Variants in RALGAPB observed in about 807,000 individuals in gnomAD.
RALGAPB encodes the protein Ral GTPase activating protein non-catalytic subunit beta.
Under a neutral mutation model 161.1 loss-of-function variants are expected in RALGAPB, and 25 were observed. The ratio of observed to expected loss-of-function variants is 0.16; its 90% confidence interval spans 0.11 to 0.22. The LOEUF is 0.22. Among genes scored for constraint, RALGAPB ranks in the 10% least tolerant of loss-of-function variants. The pLI is 1.00. For missense variants in RALGAPB, 1,391 were observed against 1,815.2 expected (o/e 0.77, Z 4.25); for synonymous variants, 629 against 626.1 (o/e 1.00, Z -0.07).
chr20:38,571,940 C>A (rs1011584303), intron 28 of RALGAPB, among the ~76,000 whole-genome samples: 1 of 151,980 alleles, frequency 6.6e-6, no homozygotes, highest in Non-Finnish European at 1.5e-5. Context: ...TTTTGATTTG[C>A]ATTTCCCTGA....
chr20:38,519,361 G>T (rs532875647), intron 9 of RALGAPB, among the ~76,000 whole-genome samples: 4 of 151,978 alleles, frequency 2.6e-5, no homozygotes, highest in Non-Finnish European at 5.9e-5. Flanking sequence ...TTATTAATTT[G>T]CATTTTCTAG....
intron 5 of RALGAPB, among the ~76,000 whole-genome samples, chr20:38,506,432 T>G (rs2085765028): frequency 6.6e-6 from 1 of 152,164 alleles, no homozygotes. Context: ...TAGCTGGAAC[T>G]GCAGGCGTGC....
At chr20:38,494,906 CCTTTA>C in intron 3 of RALGAPB, among the ~76,000 whole-genome samples, 1 of 152,212 alleles carries the variant, frequency 6.6e-6, no homozygotes. Flanking sequence ...TAGGCTTGTG[CCTTTA>C]CTTTTCTCTT....
rs771958071 is a variant in RALGAPB, at chr20:38,574,979, T to C, written c.*12T>C. The C allele has an allele frequency of 4.4e-6, 7 of 1,591,244 alleles. No individual in the cohort carries two copies. ...ACTGCAGTTCTTAGACCACTGAATT[T>C]CTAAGACTGTTGAACTCCAGTTTGG... On this transcript the variant is annotated 3_prime_UTR_variant, in exon 30 of 30. Coordinates refer to ENST00000262879, the MANE Select transcript of RALGAPB (RefSeq NM_020336.4).
chr20:38,480,321 CTT>C (rs11476061), intron 1 of RALGAPB, among the ~76,000 whole-genome samples: 283 of 138,806 alleles, frequency 2.0e-3, no homozygotes, highest in Middle Eastern at 3.6e-3. Flanking sequence ...GTTTCTAGTG[CTT>C]TTTTTTTTTT....
rs533726855 is a variant in RALGAPB, at chr20:38,497,230, C to T, written c.390-123C>T. On this transcript the variant is annotated intron_variant, in intron 3 of 29. Transcript: ENST00000262879. ...AACTGAAGACGGTATGCCTAGCCCT[C>T]TCTGCTGATAATATTAGGGAGCTTC... 170 of 857,256 alleles carry T rather than the reference C, an allele frequency of 2.0e-4. No individual in the cohort carries two copies. In the African/African-American group the frequency reaches 2.7e-3, roughly 14 times the overall value. 53.1% of individuals were successfully genotyped at this position (857,256 alleles called of 1,614,324 possible). A position where few individuals can be genotyped will look rare whatever the true frequency, so the allele number is the denominator to read the frequency against.
intron 21 of RALGAPB, 95 bp downstream of exon 21, chr20:38,551,318 T>C (rs2087366875): frequency 8.5e-6 from 12 of 1,406,978 alleles, no homozygotes; most frequent in Non-Finnish European, 1.2e-5. Context: ...TTGTTGGAGA[T>C]GATTTTTAAG....
At chr20:38,483,976 G>C (rs748091880) in intron 1 of RALGAPB, among the ~76,000 whole-genome samples, 11 of 152,088 alleles carry the variant, frequency 7.2e-5, no homozygotes, top group Non-Finnish European at 1.3e-4. Context: ...GGATCACAAG[G>C]TCAGGAGTTC....
Position 38,569,939 on chromosome 20 carries a change from C to T in RALGAPB, c.4006C>T (p.Pro1336Ser), listed in dbSNP as rs142678293. 10,180 of 1,613,594 alleles carry T rather than the reference C, an allele frequency of 6.3e-3. 48 individuals are homozygous for T. The highest frequency in any genetic ancestry group is 7.8e-3 in the Non-Finnish European group (9,207 of 1,179,676). ...RKLPQGRPVP[P>S]LGPETRVSVV... Reference sequence around the variant, plus strand: ...GCTGCCTCAGGGTCGCCCTGTTCCTCCCCTTGGACCTGAGACAAGAGTTTC... The same window carrying T: ...GCTGCCTCAGGGTCGCCCTGTTCCTTCCCTTGGACCTGAGACAAGAGTTTC... The change falls in exon 27 of 30, where the codon CCC (proline) becomes TCC (serine). Residue 1336 changes from proline (P) to serine (S), a missense_variant. Physicochemically the swap from Pro to Ser is moderately conservative, Grantham distance 74 (BLOSUM62 -1). Transcript: ENST00000262879.
rs1165005455 is a variant in RALGAPB at position 38,548,718 on chromosome 20, G to A, written c.2932G>A (p.Val978Ile). 6.2e-7 allele frequency: 1 copy of A among 1,613,874 alleles called. No homozygotes were observed. Among genetic ancestry groups the A allele is most frequent in the Non-Finnish European group, 8.5e-7 (1 of 1,179,848 alleles). Residue 978 changes from valine to isoleucine, a missense_variant, in exon 20 of 30, where the codon GTC becomes ATC. Around this residue, in one of 3 missense-constraint regions of RALGAPB, gnomAD observed 946 missense variants for 1,257.2 expected, o/e 0.75. Transcript: ENST00000262879. Reference protein sequence around the residue: ...NDFFPSVTVLVRGMSGRLAWA... With the variant: ...NDFFPSVTVLIRGMSGRLAWA... ...TTTTTTCCCCTCTGTCACTGTGCTGGTCCGGGGAATGTCTGGAAGACTTGC... is the reference window on the plus strand; with the variant it reads ...TTTTTTCCCCTCTGTCACTGTGCTGATCCGGGGAATGTCTGGAAGACTTGC...
chr20:38,497,284 G>A (rs144054600), intron 3 of RALGAPB, 69 bp from the exon 4 acceptor site: 73 of 1,453,368 alleles, frequency 5.0e-5, no homozygotes, highest in Non-Finnish European at 6.4e-5. Context: ...ACATCCATAA[G>A]TCACCTGTCC....
intron 20 of RALGAPB, among the ~76,000 whole-genome samples, chr20:38,550,306 G>T (rs964737865): frequency 1.3e-5 from 2 of 152,086 alleles, no homozygotes; most frequent in African/African-American, 4.8e-5. Flanking sequence ...ATAAAAAAAT[G>T]TGATTAAAAA....
At chr20:38,512,844 C>T (rs992694771) in intron 6 of RALGAPB, among the ~76,000 whole-genome samples, 2 of 152,178 alleles carry the variant, frequency 1.3e-5, no homozygotes, top group African/African-American at 4.8e-5. Context: ...ACTGCAAGTT[C>T]CGCCTCCTGG....
In RALGAPB at chr20:38,550,612, A is replaced by G. The variant is rs148802131; in HGVS notation, c.3010-459A>G. Reference sequence around the variant, plus strand: ...AAAGCATGGATTTGGAGCTGTGAAGACCTAGATTTGGTGCCCATACTCTCA... The same window carrying G: ...AAAGCATGGATTTGGAGCTGTGAAGGCCTAGATTTGGTGCCCATACTCTCA... On this transcript the variant is annotated intron_variant, in intron 20 of 29. Transcript: ENST00000262879. 4.2e-3 allele frequency among the ~76,000 whole-genome samples: 638 copies of G among 152,318 alleles called. 3 individuals are homozygous for G. The highest frequency in any genetic ancestry group is 0.015 in the African/African-American group (607 of 41,566).
rs201959804 is a variant in RALGAPB at position 38,499,430 on chromosome 20, T to G, written c.554-17T>G. 30 of 1,564,014 alleles carry G rather than the reference T, an allele frequency of 1.9e-5. No homozygotes were observed. In the East Asian group the frequency reaches 4.0e-4, roughly 21 times the overall value. On this transcript the variant is annotated splice_polypyrimidine_tract_variant and intron_variant, in intron 4 of 29. Coordinates refer to ENST00000262879, the MANE Select transcript of RALGAPB (RefSeq NM_020336.4). The stretch of plus-strand genomic sequence containing the variant: ...AAAATAAGTTTGCCAAAGATGTGTT[T>G]TCTTTTTGTTGGTAAGGTGGCATTG...
At chr20:38,518,583 A>C (rs1212762264) in intron 9 of RALGAPB, among the ~76,000 whole-genome samples, 1 of 152,226 alleles carries the variant, frequency 6.6e-6, no homozygotes, top group Non-Finnish European at 1.5e-5. Context: ...TTATTATAAA[A>C]AGGAAACTGT....
Position 38,541,120 on chromosome 20 carries a change from A to G in RALGAPB, c.2642A>G (p.Lys881Arg). ...TCCAAGAACAATGAGCAAGAGGTCA[A>G]GTACAAAGGAGATAAGGAGCCAAAC... ...SKSKNNEQEV[K>R]YKGDKEPNPA... The change falls in exon 18 of 30, where the codon AAG (lysine) becomes AGG (arginine). Residue 881 changes from lysine (K) to arginine (R), a missense_variant. This residue lies in a region of RALGAPB where 946 missense variants were observed against 1,257.2 expected (regional missense o/e 0.75). Coordinates refer to ENST00000262879, the MANE Select transcript of RALGAPB (RefSeq NM_020336.4). 1 of 1,614,114 alleles carries G rather than the reference A, an allele frequency of 6.2e-7. No homozygotes were observed. Among genetic ancestry groups the G allele is most frequent in the Non-Finnish European group, 8.5e-7 (1 of 1,179,996 alleles).
At chr20:38,511,184 C>G (rs922628183) in intron 6 of RALGAPB, among the ~76,000 whole-genome samples, 1 of 152,116 alleles carries the variant, frequency 6.6e-6, no homozygotes, top group Non-Finnish European at 1.5e-5. Context: ...CAGACACACA[C>G]CACACTTAAT....
intron 6 of RALGAPB, among the ~76,000 whole-genome samples, chr20:38,513,678 A>C (rs2086041492): frequency 6.6e-6 from 1 of 151,952 alleles, no homozygotes; most frequent in African/African-American, 2.4e-5. Flanking sequence ...TTAAAATATA[A>C]ATAAACTATA....
Sources: gnomAD v4.1 joint callset for allele counts (sites outside exome capture counted in the v4.1 genomes callset) on GRCh38, gnomAD v4.1.1 for gene constraint, gnomAD v4.1.1 regional missense constraint, MANE v1.5 for transcripts, NCBI Gene and HGNC (gene_info 2026-07-23, HGNC 2026-07-21) for gene names.